The following FHDC1 variants were observed in gnomAD, a reference collection of about 807,000 sequenced individuals.
FHDC1 encodes FH2 domain containing 1, also known as FH2 domain-containing protein 1.
A neutral mutation model predicts 52.6 loss-of-function variants in FHDC1; 25 were observed. The ratio of observed to expected loss-of-function variants is 0.48; its 90% CI spans 0.35 to 0.66. The LOEUF (loss-of-function observed/expected upper bound fraction) is 0.66, where lower values mean the gene tolerates loss of function less well. Ranked by LOEUF, FHDC1 falls within the 30% of genes least tolerant of loss-of-function variation. The pLI, the probability that FHDC1 is intolerant of heterozygous loss-of-function variation, is 0.01. For missense variants in FHDC1, 1,459 were observed against 1,452.8 expected, an observed-to-expected ratio of 1.00 and a Z score of -0.07; for synonymous variants, 616 against 581.5, an observed-to-expected ratio of 1.06 and a Z score of -0.85.
the FHDC1 span, among the ~76,000 whole-genome samples, chr4:152,926,058 T>G: frequency 6.6e-6 from 1 of 151,960 alleles, no homozygotes; most frequent in South Asian, 2.1e-4. Context: ...TCTGTTTTCT[T>G]TAAGGAATGC....
At chr4:152,962,030 T>G (rs1740294786) in intron 6 of FHDC1, among the ~76,000 whole-genome samples, 1 of 152,234 alleles carries the variant, frequency 6.6e-6, no homozygotes, top group South Asian at 2.1e-4. Flanking sequence ...ATTACCAGAC[T>G]TAATGGAGAA....
At position 152,946,026 on chromosome 4, in the gene FHDC1, T is replaced by C. The variant is rs995573495; in HGVS notation, c.498+2471T>C. 6.6e-5 allele frequency among the ~76,000 whole-genome samples: 10 copies of C among 152,250 alleles called. 1 individual carries two copies. The highest frequency in any genetic ancestry group is 2.1e-4 in the South Asian group (1 of 4,830). Reference sequence around the variant, plus strand: ...CACTGGTTTATTTCACTTAGCGTAATGTCCTCAAGGTTCATCCGTGTTGTA... The same window carrying C: ...CACTGGTTTATTTCACTTAGCGTAACGTCCTCAAGGTTCATCCGTGTTGTA... On this transcript the variant is annotated intron_variant, in intron 2 of 11. Coordinates refer to ENST00000511601, the MANE Select transcript of FHDC1 (RefSeq NM_001371116.1).
intron 1 of FHDC1, among the ~76,000 whole-genome samples, chr4:152,936,979 C>A (rs926465033): frequency 2.0e-5 from 3 of 152,248 alleles, no homozygotes; most frequent in Non-Finnish European, 2.9e-5. Flanking sequence ...CTCGCCCCGA[C>A]AAACTTGCTC....
upstream of FHDC1, among the ~76,000 whole-genome samples, chr4:152,933,308 G>A (rs113308183): frequency 9.1e-3 from 1,391 of 152,304 alleles, 15 homozygotes; most frequent in African/African-American, 0.03. Context: ...CATATTAATA[G>A]ATGAAGAATA....
At chr4:152,939,224 C>T (rs945910941) in intron 1 of FHDC1, among the ~76,000 whole-genome samples, 3 of 152,040 alleles carry the variant, frequency 2.0e-5, no homozygotes, top group Non-Finnish European at 2.9e-5. Context: ...GGACTACAGG[C>T]GCGCCACCAC....
At chr4:152,962,688 C>T (rs1204278090) in intron 6 of FHDC1, 126 bp from the exon 7 acceptor site, 10 of 687,486 alleles carry the variant, frequency 1.5e-5, no homozygotes, top group South Asian at 1.9e-5. Flanking sequence ...TTGTTTTTTC[C>T]GTTTTATATA....
chr4:152,923,784 C>T, the FHDC1 span, among the ~76,000 whole-genome samples: 94,578 of 151,294 alleles, frequency 0.63, 29,745 homozygotes, highest in Admixed American at 0.72. Flanking sequence ...TAAATGGTGC[C>T]TGGAAAACTG....
chr4:152,916,525 G>A, the FHDC1 span, among the ~76,000 whole-genome samples: 11 of 151,968 alleles, frequency 7.2e-5, no homozygotes, highest in East Asian at 2.1e-3. Flanking sequence ...GATATGTGGG[G>A]TTCCATAGTA....
At chr4:152,936,869 C>T (rs553873011) in intron 1 of FHDC1, among the ~76,000 whole-genome samples, 7 of 152,404 alleles carry the variant, frequency 4.6e-5, no homozygotes, top group Non-Finnish European at 1.0e-4. Context: ...GCGCCGCGCT[C>T]GGTTCCCTAG....
intron 2 of FHDC1, among the ~76,000 whole-genome samples, chr4:152,947,836 AG>A: frequency 6.6e-6 from 1 of 151,600 alleles, no homozygotes; most frequent in Admixed American, 6.6e-5. Context: ...GAGAGAGAGA[AG>A]GGAAGGATGG....
At chr4:152,959,941 A>ACAT (rs34461196) in intron 4 of FHDC1, among the ~76,000 whole-genome samples, 4 of 151,274 alleles carry the variant, frequency 2.6e-5, no homozygotes, top group African/African-American at 4.9e-5. Flanking sequence ...GGCAATCTTA[A>ACAT]CGTCCCGTTG....
chr4:152,964,399 G>A (rs1438863094), intron 8 of FHDC1, among the ~76,000 whole-genome samples: 2 of 152,220 alleles, frequency 1.3e-5, no homozygotes, highest in Admixed American at 6.5e-5. Flanking sequence ...GGCCCTCTGG[G>A]TAACTTGGTC....
chr4:152,972,747 G>T (rs947437500), intron 11 of FHDC1, among the ~76,000 whole-genome samples: 17 of 152,190 alleles, frequency 1.1e-4, no homozygotes, highest in Non-Finnish European at 2.4e-4. Context: ...ATAGCATCAG[G>T]GGGAGGCATT....
chr4:152,950,541 A>G (rs1158574219), intron 2 of FHDC1, among the ~76,000 whole-genome samples: 1 of 152,226 alleles, frequency 6.6e-6, no homozygotes, highest in Non-Finnish European at 1.5e-5. Context: ...TTTCTGAAAC[A>G]CAGCTTGAGC....
In FHDC1 at chr4:152,974,891, C is replaced by G. The variant is rs1039639634; in HGVS notation, c.1600C>G (p.Pro534Ala). 1 of 1,607,734 alleles carries G rather than the reference C, an allele frequency of 6.2e-7. No individual in the cohort carries two copies. The highest frequency in any genetic ancestry group is 8.5e-7 in the Non-Finnish European group (1 of 1,178,124). ...ISPSSPSYRP[P>A]NTRRSRLSLG... Reference sequence around the variant, plus strand: ...CCCCTCCAGCCCCTCCTACCGGCCCCCGAACACCCGCCGCTCCCGCCTCTC... The same window carrying G: ...CCCCTCCAGCCCCTCCTACCGGCCCGCGAACACCCGCCGCTCCCGCCTCTC... The change falls in exon 12 of 12, where the codon CCG (proline) becomes GCG (alanine). Residue 534 changes from proline (P) to alanine (A), a missense_variant. By Grantham distance (27) the Pro-to-Ala change is conservative. This residue lies in a region of FHDC1 where 939 missense variants were observed against 854.5 expected (regional missense o/e 1.10). Transcript: ENST00000511601.
At chr4:152,956,250 C>T (rs907691888) in intron 4 of FHDC1, among the ~76,000 whole-genome samples, 1 of 152,152 alleles carries the variant, frequency 6.6e-6, no homozygotes, top group Admixed American at 6.5e-5. Flanking sequence ...TAGGACCTCT[C>T]TATACCCACT....
intron 11 of FHDC1, among the ~76,000 whole-genome samples, chr4:152,973,912 G>A (rs1740754762): frequency 6.6e-6 from 1 of 152,188 alleles, no homozygotes; most frequent in African/African-American, 2.4e-5. Flanking sequence ...GCAGGGTGAA[G>A]GTTGAAAGAT....
chr4:152,947,869 A>T (rs1258682911), intron 2 of FHDC1, among the ~76,000 whole-genome samples: 1 of 152,210 alleles, frequency 6.6e-6, no homozygotes, highest in Non-Finnish European at 1.5e-5. Flanking sequence ...GTTTTTCTAA[A>T]TTTATGACAA....
chr4:152,917,695 G>C, the FHDC1 span, among the ~76,000 whole-genome samples: 2 of 151,868 alleles, frequency 1.3e-5, no homozygotes, highest in Non-Finnish European at 2.9e-5. Flanking sequence ...AAAAAAAAAT[G>C]TAAGTTTAAA....
Sources: gnomAD v4.1 joint callset for allele counts (sites outside exome capture counted in the v4.1 genomes callset) on GRCh38, gnomAD v4.1.1 for gene constraint, gnomAD v4.1.1 regional missense constraint, MANE v1.5 for transcripts, NCBI Gene and HGNC (gene_info 2026-07-23, HGNC 2026-07-21) for gene names.